Variants in PGM3 observed in about 807,000 individuals in gnomAD.
PGM3 encodes phosphoacetylglucosamine mutase.
In PGM3, 40 loss-of-function variants were observed where a neutral mutation model predicts 66.2. The observed-to-expected ratio is 0.60, with a 90% CI of 0.47 to 0.79. PGM3 has a LOEUF of 0.79. Among genes scored for constraint, PGM3 ranks in the 30% least tolerant of loss-of-function variants. The probability of loss-of-function intolerance (pLI) is 0.00; values close to 1 mark genes in which losing one functional copy is unlikely to be tolerated. For missense variants in PGM3, 537 were observed against 643.4 expected, an observed-to-expected ratio of 0.83 and a Z score of 1.79; for synonymous variants, 191 against 224.2, an observed-to-expected ratio of 0.85 and a Z score of 1.32.
Position 83,170,355 on chromosome 6 carries a change from G to A in PGM3, c.1489C>T (p.Pro497Ser), listed in dbSNP as rs1285899855. 1 of 1,614,106 alleles carries A rather than the reference G, an allele frequency of 6.2e-7. No individual in the cohort carries two copies. Among genetic ancestry groups the A allele is most frequent in the Non-Finnish European group, 8.5e-7 (1 of 1,179,992 alleles). Residue 497 changes from proline to serine, a missense_variant, in exon 12 of 13, where the codon CCC becomes TCC. Coordinates refer to ENST00000513973, the MANE Select transcript of PGM3 (RefSeq NM_015599.3). ...CGGACGACATCTTCTGTACCAGAGG[G>A]CCGGACAAAAGCTCGAGAAAGCTTG... Reference protein sequence around the residue: ...KYKLSRAFVRPSGTEDVVRVY... With the variant: ...KYKLSRAFVRSSGTEDVVRVY...
chr6:83,189,798 A>G (rs1277118164), intron 2 of PGM3, among the ~76,000 whole-genome samples: 1 of 152,236 alleles, frequency 6.6e-6, no homozygotes, highest in African/African-American at 2.4e-5. Flanking sequence ...ACACAATAGA[A>G]TATTATTCAG....
the PGM3 span, chr6:83,154,088 T>C: frequency 1.2e-6 from 2 of 1,612,742 alleles, no homozygotes; most frequent in African/African-American, 2.7e-5. Context: ...CACCTCACAG[T>C]CTGATGAAAT....
chr6:83,164,319 G>A (rs1452052778), downstream of PGM3, among the ~76,000 whole-genome samples: 1 of 151,734 alleles, frequency 6.6e-6, no homozygotes, highest in African/African-American at 2.4e-5. Context: ...GAGGATGTAT[G>A]CTGGGTCCTG....
chr6:83,153,662 C>A, the PGM3 span: 1 of 1,460,124 alleles, frequency 6.8e-7, no homozygotes, highest in Non-Finnish European at 9.3e-7. Flanking sequence ...TAATTCATAG[C>A]CTGTTAGAAA....
At chr6:83,157,427 G>C (rs887959191), downstream of PGM3, 47 of 1,126,270 alleles carry the variant, frequency 4.2e-5, no homozygotes, top group Admixed American at 2.2e-5. Flanking sequence ...CTGAGCTGTA[G>C]TTAAACCAGT....
At chr6:83,182,403 T>C (rs1192615816) in intron 5 of PGM3, among the ~76,000 whole-genome samples, 1 of 152,232 alleles carries the variant, frequency 6.6e-6, no homozygotes, top group African/African-American at 2.4e-5. Flanking sequence ...TTTTAGTTAA[T>C]TGTGCCTGGT....
chr6:83,189,538 C>T (rs1318274913), intron 2 of PGM3, among the ~76,000 whole-genome samples: 2 of 152,202 alleles, frequency 1.3e-5, no homozygotes, highest in Non-Finnish European at 2.9e-5. Context: ...ACAAGCAATG[C>T]CCTTGTTTGG....
At chr6:83,155,456 C>T in the PGM3 span, among the ~76,000 whole-genome samples, 1 of 151,986 alleles carries the variant, frequency 6.6e-6, no homozygotes, top group Non-Finnish European at 1.5e-5. Flanking sequence ...AGGAAGATAC[C>T]ATCTCAAAGA....
rs773048160 is a variant in PGM3, at chr6:83,174,414, G to A, written c.1202C>T (p.Ala401Val). The change falls in exon 10 of 13, where the codon GCT (alanine) becomes GTT (valine). Residue 401 changes from alanine to valine, a missense_variant. Transcript: ENST00000513973. ...AEQLEDKKRK[A>V]AKMLENIIDL... Reference sequence around the variant, plus strand: ...AATAATGTTTTCAAGCATCTTAGCAGCTTTTCTTTTCTTATCTTCCAGTTG... The same window carrying A: ...AATAATGTTTTCAAGCATCTTAGCAACTTTTCTTTTCTTATCTTCCAGTTG... 3 of 1,607,300 alleles carry A rather than the reference G, an allele frequency of 1.9e-6. No homozygotes were observed. The highest frequency in any genetic ancestry group is 1.3e-5 in the African/African-American group (1 of 74,612).
chr6:83,193,072 C>G (rs1052969143), intron 1 of PGM3, 107 bp downstream of exon 1: 1 of 152,318 alleles, frequency 6.6e-6, no homozygotes, highest in Non-Finnish European at 1.5e-5. Context: ...GCCCGCCAGA[C>G]CACTAGCCCC....
At chr6:83,159,886 C>T (rs775767373), downstream of PGM3, 26 of 1,613,950 alleles carry the variant, frequency 1.6e-5, no homozygotes, top group South Asian at 2.5e-4. Flanking sequence ...GGTGGTTAAA[C>T]CTCTATCTCT....
At chr6:83,170,981 G>C (rs1786972217) in intron 11 of PGM3, 1 of 153,768 alleles carries the variant, frequency 6.5e-6, no homozygotes, top group South Asian at 2.0e-4. Context: ...AGTACTCTGT[G>C]AACTAAACAT....
rs539041152 is a variant in PGM3, at chr6:83,175,996, A to G, written c.1094T>C (p.Ile365Thr). 3.1e-6 allele frequency: 5 copies of G among 1,611,838 alleles called. No homozygotes were observed. Among genetic ancestry groups the G allele is most frequent in the East Asian group, 2.2e-5 (1 of 44,878 alleles). ...CCCATTTGCTTCAAAATAAACTCCA[A>G]TGTCAAACTCTTGAGCCTTGTGGTG... ...HLHHKAQEFD[I>T]GVYFEANGHG... Residue 365 changes from isoleucine to threonine, a missense_variant, in exon 9 of 13, where the codon ATT becomes ACT. Transcript: ENST00000513973.
At chr6:83,178,617 T>C in intron 8 of PGM3, 56 bp downstream of exon 8, 1 of 954,648 alleles carries the variant, frequency 1.0e-6, no homozygotes, top group Non-Finnish European at 1.7e-6. Context: ...AGTATCTTTC[T>C]CACAGAAACA....
Position 83,176,792 on chromosome 6 carries a change from CAGTG to C in PGM3, c.1030-736_1030-733del, listed in dbSNP as rs778660301. 3.3e-5 allele frequency among the ~76,000 whole-genome samples: 5 copies of C among 152,290 alleles called. No individual in the cohort carries two copies. The South Asian group carries it at 6.2e-4, about 19-fold the overall frequency. On this transcript the variant is annotated intron_variant, in intron 8 of 12. Transcript: ENST00000513973. ...GGCTAAAAATATTTCATCTGGAAGACAGTGAGTTGAGAAGTAACAGTTTCTTAAA... is the reference window on the plus strand; with the variant it reads ...GGCTAAAAATATTTCATCTGGAAGACAGTTGAGAAGTAACAGTTTCTTAAA...
At chr6:83,191,957 T>TCAA (rs1789116886) in intron 1 of PGM3, among the ~76,000 whole-genome samples, 1 of 36,920 alleles carries the variant, frequency 2.7e-5, no homozygotes, top group African/African-American at 1.0e-4. Flanking sequence ...AGACTCGGTC[T>TCAA]CAAAAAAAAA....
chr6:83,181,740 T>C lies in PGM3; in HGVS notation c.783A>G (p.Pro261=). The C allele has an allele frequency of 6.2e-7, 1 of 1,609,216 alleles. No homozygotes were observed. Among genetic ancestry groups the C allele is most frequent in the Non-Finnish European group, 8.5e-7 (1 of 1,178,274 alleles). ...TGCAGTGCTAGTACGACATACCCTG[T>C]GGAGGTTTCTGATGACTTTTCACAA... The part of the protein sequence containing the change: ...ADFVKSHQKP[P]QGMEIKSNER... Residue 261 remains proline (P), a synonymous_variant, in exon 6 of 13, where the codon CCA becomes CCG. Transcript: ENST00000513973.
intron 3 of PGM3, among the ~76,000 whole-genome samples, chr6:83,187,855 A>G (rs1788700041): frequency 6.6e-6 from 1 of 152,180 alleles, no homozygotes; most frequent in Non-Finnish European, 1.5e-5. Context: ...ACGTTTCATC[A>G]CTTACATTAG....
At chr6:83,183,067 G>A in intron 4 of PGM3, 89 bp from the exon 5 acceptor site, 2 of 1,184,164 alleles carry the variant, frequency 1.7e-6, no homozygotes, top group Non-Finnish European at 1.2e-6. Context: ...ATTTCAGGGT[G>A]ACAAATCCTT....
Sources: allele counts gnomAD v4.1 joint callset (sites outside exome capture counted in the v4.1 genomes callset), GRCh38; gene constraint gnomAD v4.1.1; transcripts MANE v1.5; gene names NCBI Gene and HGNC (gene_info 2026-07-23, HGNC 2026-07-21).